PRKCE: variants seen among roughly 807,000 people sequenced by gnomAD.
The protein encoded by PRKCE is protein kinase C epsilon type.
In PRKCE, 16 loss-of-function variants were observed where a neutral mutation model predicts 85.4. The ratio of observed to expected loss-of-function variants is 0.19; its 90% CI spans 0.13 to 0.28. The LOEUF (loss-of-function observed/expected upper bound fraction) is 0.28. Ranked by LOEUF, PRKCE falls within the 10% of genes least tolerant of loss-of-function variation. PRKCE has a pLI of 1.00. For synonymous variants in PRKCE, 388 were observed against 371.5 expected (o/e 1.04, Z -0.51); for missense variants, 573 against 975.2 (o/e 0.59, Z 5.49).
At chr2:45,714,213 CAAGCCAATACAT>C (rs1297689200) in intron 1 of PRKCE, among the ~76,000 whole-genome samples, 1 of 152,062 alleles carries the variant, frequency 6.6e-6, no homozygotes, top group African/African-American at 2.4e-5. Context: ...GGGCATGAAA[CAAGCCAATACAT>C]AAGAACACAT....
At position 45,976,580 on chromosome 2, in the gene PRKCE, C is replaced by A; in HGVS notation, c.564C>A (p.Asp188Glu). ...RQPTYCSHCR[D>E]FIWGVIGKQG... ...CCACCTACTGCTCCCATTGCAGAGA[C>A]TTCATCTGGTAAGCCTTTCTCTTGG... Residue 188 changes from aspartate (D) to glutamate (E), a missense_variant, in exon 3 of 15, where the codon GAC (aspartate) becomes GAA (glutamate). Asp to Glu is a conservative substitution (Grantham distance 45). Transcript: ENST00000306156. The A allele has an allele frequency of 6.3e-7, 1 of 1,599,640 alleles. No homozygotes were observed. Among genetic ancestry groups the A allele is most frequent in the Non-Finnish European group, 8.5e-7 (1 of 1,179,902 alleles).
chr2:45,976,134 G>A (rs893831109), intron 2 of PRKCE, among the ~76,000 whole-genome samples: 1 of 152,174 alleles, frequency 6.6e-6, no homozygotes, highest in Non-Finnish European at 1.5e-5. Context: ...GAAACCAGCT[G>A]TAGCCTGTGT....
intron 6 of PRKCE, among the ~76,000 whole-genome samples, chr2:45,994,270 C>T (rs941762143): frequency 1.3e-5 from 2 of 152,128 alleles, no homozygotes; most frequent in African/African-American, 4.8e-5. Context: ...TGTTAACGGT[C>T]AGTGAACCTT....
intron 10 of PRKCE, among the ~76,000 whole-genome samples, chr2:46,057,047 C>T (rs563546250): frequency 9.2e-5 from 14 of 152,222 alleles, no homozygotes; most frequent in African/African-American, 3.4e-4. Flanking sequence ...GGGCATCTCT[C>T]TCTCTCTATG....
chr2:45,838,978 C>A (rs951942377), intron 1 of PRKCE, among the ~76,000 whole-genome samples: 8 of 152,066 alleles, frequency 5.3e-5, no homozygotes, highest in African/African-American at 1.9e-4. Context: ...AAGCACTGTG[C>A]ATAGATTATC....
At chr2:46,132,360 A>G (rs181706497) in intron 11 of PRKCE, among the ~76,000 whole-genome samples, 1 of 152,276 alleles carries the variant, frequency 6.6e-6, no homozygotes. Flanking sequence ...CAGCATGTCC[A>G]GTGAGGTGCT....
At chr2:46,100,239 C>T (rs556019069) in intron 11 of PRKCE, among the ~76,000 whole-genome samples, 2 of 152,244 alleles carry the variant, frequency 1.3e-5, no homozygotes, top group African/African-American at 4.8e-5. Context: ...GATCCAGGCC[C>T]ACAATTCCTG....
At chr2:45,859,624 C>T (rs1337115180) in intron 2 of PRKCE, among the ~76,000 whole-genome samples, 1 of 152,046 alleles carries the variant, frequency 6.6e-6, no homozygotes, top group Non-Finnish European at 1.5e-5. Flanking sequence ...TGTTCACTCC[C>T]TTAGTGCATT....
At chr2:45,765,057 G>C (rs572471967) in intron 1 of PRKCE, among the ~76,000 whole-genome samples, 2 of 152,234 alleles carry the variant, frequency 1.3e-5, no homozygotes, top group South Asian at 4.1e-4. Flanking sequence ...CAAAATGCCA[G>C]CCGCTCAAAA....
intron 2 of PRKCE, among the ~76,000 whole-genome samples, chr2:45,963,368 G>A (rs1204313963): frequency 6.6e-6 from 1 of 152,068 alleles, no homozygotes; most frequent in Non-Finnish European, 1.5e-5. Flanking sequence ...GAGTGTGGTG[G>A]CGTGATCTCG....
At chr2:45,813,146 G>T (rs1688772003) in intron 1 of PRKCE, among the ~76,000 whole-genome samples, 1 of 152,158 alleles carries the variant, frequency 6.6e-6, no homozygotes, top group South Asian at 2.1e-4. Flanking sequence ...AATTCTGCAT[G>T]ATCTCATCCA....
At chr2:46,148,193 A>C (rs868536350) in intron 12 of PRKCE, among the ~76,000 whole-genome samples, 1 of 152,198 alleles carries the variant, frequency 6.6e-6, no homozygotes, top group Non-Finnish European at 1.5e-5. Flanking sequence ...CTTTGGTAAT[A>C]GCATCATCAG....
At chr2:46,105,333 C>A (rs1198687868) in intron 11 of PRKCE, among the ~76,000 whole-genome samples, 1 of 152,196 alleles carries the variant, frequency 6.6e-6, no homozygotes, top group African/African-American at 2.4e-5. Flanking sequence ...CAACCCTGAG[C>A]CCCTGTAAAA....
chr2:45,664,669 T>C (rs1159673576), intron 1 of PRKCE, among the ~76,000 whole-genome samples: 2 of 152,204 alleles, frequency 1.3e-5, no homozygotes, highest in Non-Finnish European at 2.9e-5. Flanking sequence ...TGGATTACCT[T>C]CCCTTGGACT....
chr2:45,785,736 C>G (rs1267136209), intron 1 of PRKCE, among the ~76,000 whole-genome samples: 4 of 152,092 alleles, frequency 2.6e-5, no homozygotes, highest in Non-Finnish European at 4.4e-5. Flanking sequence ...ACCCTCAGAG[C>G]CAGTGGCACT....
At chr2:45,658,380 G>GACA (rs1374623141) in intron 1 of PRKCE, among the ~76,000 whole-genome samples, 3 of 152,124 alleles carry the variant, frequency 2.0e-5, no homozygotes, top group Non-Finnish European at 4.4e-5. Flanking sequence ...CAACTTCATG[G>GACA]ACAGTCAAGC....
At chr2:45,653,745 A>G (rs1296174732) in intron 1 of PRKCE, among the ~76,000 whole-genome samples, 2 of 152,202 alleles carry the variant, frequency 1.3e-5, no homozygotes, top group African/African-American at 4.8e-5. Context: ...GCCTGAAACC[A>G]TGGTTACGGT....
intron 10 of PRKCE, among the ~76,000 whole-genome samples, chr2:46,026,673 A>G (rs1391656492): frequency 2.6e-5 from 4 of 152,162 alleles, no homozygotes; most frequent in African/African-American, 9.7e-5. Context: ...TGTTTAAGGG[A>G]TGTTTTTGAA....
At position 46,110,244 on chromosome 2, in the gene PRKCE, G is replaced by A. The variant is rs187734159; in HGVS notation, c.1592+23882G>A. Reference sequence around the variant, plus strand: ...GTATTCATTTTGCTTCTATATTCTGGAACAGATTGTGGATAATTGGTGTCA... The same window carrying A: ...GTATTCATTTTGCTTCTATATTCTGAAACAGATTGTGGATAATTGGTGTCA... On this transcript the variant is annotated intron_variant, in intron 11 of 14. Transcript: ENST00000306156. Among the ~76,000 whole-genome samples the A allele has an allele frequency of 5.3e-3, 803 of 152,206 alleles. 2 individuals are homozygous for A. The highest frequency in any genetic ancestry group is 7.5e-3 in the Non-Finnish European group (511 of 67,954).
Sources: gnomAD v4.1 joint callset for allele counts (sites outside exome capture counted in the v4.1 genomes callset) on GRCh38, gnomAD v4.1.1 for gene constraint, MANE v1.5 for transcripts, NCBI Gene and HGNC (gene_info 2026-07-23, HGNC 2026-07-21) for gene names.